The following CTTNBP2 variants were observed in gnomAD, a reference collection of about 807,000 sequenced individuals.
CTTNBP2 encodes cortactin-binding protein 2.
In CTTNBP2, 108 loss-of-function variants were observed where a neutral mutation model predicts 156.9. That is an observed-to-expected ratio of 0.69 (90% CI 0.59 to 0.81). The LOEUF is 0.81. CTTNBP2 is among the 30% of genes least tolerant of loss of function. CTTNBP2 has a pLI of 0.00. For missense variants in CTTNBP2, 1,924 were observed against 2,035.4 expected (o/e 0.95, Z 1.05); for synonymous variants, 767 against 751.8 (o/e 1.02, Z -0.33).
chr7:117,823,283 T>C (rs1487780344), intron 2 of CTTNBP2, among the ~76,000 whole-genome samples: 1 of 152,166 alleles, frequency 6.6e-6, no homozygotes, highest in Non-Finnish European at 1.5e-5. Flanking sequence ...CTTCGAAAAA[T>C]AAGCAATTAT....
intron 12 of CTTNBP2, among the ~76,000 whole-genome samples, chr7:117,755,915 G>C (rs975752528): frequency 6.6e-6 from 1 of 152,144 alleles, no homozygotes; most frequent in Admixed American, 6.5e-5. Context: ...CTGCCCTCCA[G>C]GTTCTCTCTT....
chr7:117,719,708 CT>C, intron 20 of CTTNBP2, 72 bp from the exon 21 acceptor site: 18 of 1,333,210 alleles, frequency 1.4e-5, no homozygotes, highest in East Asian at 2.4e-5. Flanking sequence ...GACACTGTAC[CT>C]TTTTTGGGAT....
At chr7:117,817,352 AAAAAAAAAAAT>A (rs1201455779) in intron 2 of CTTNBP2, among the ~76,000 whole-genome samples, 1,927 of 89,790 alleles carry the variant, frequency 0.021, 336 homozygotes, top group Middle Eastern at 0.037. Context: ...AAAAAAAAAA[AAAAAAAAAAAT>A]ATATATATAT....
In CTTNBP2 at chr7:117,724,679, C is replaced by T; in HGVS notation, c.4315G>A (p.Val1439Ile). The T allele has an allele frequency of 6.2e-7, 1 of 1,614,170 alleles. No individual in the cohort carries two copies. The highest frequency in any genetic ancestry group is 8.5e-7 in the Non-Finnish European group (1 of 1,180,026). The change falls in exon 19 of 23, where the codon GTT (valine) becomes ATT (isoleucine). Residue 1439 changes from valine (V) to isoleucine (I), a missense_variant. Physicochemically the swap from Val to Ile is conservative, Grantham distance 29. Coordinates refer to ENST00000160373, the MANE Select transcript of CTTNBP2 (RefSeq NM_033427.3). ...TTGTTACAAGTGTTATAACTGGAAA[C>T]TATGGATAAAGGGAAACTTCCTCCT... ...FKGGSFPLSI[V>I]SSYNTCNKKK... is the part of the protein sequence containing the mutation.
chr7:117,753,014 T>C (rs1202079727), intron 12 of CTTNBP2, among the ~76,000 whole-genome samples: 1 of 152,210 alleles, frequency 6.6e-6, no homozygotes, highest in Non-Finnish European at 1.5e-5. Context: ...TCTATCCATC[T>C]GACAAAGGTC....
chr7:117,714,031 ACGTC>A (rs1191112388), intron 22 of CTTNBP2: 13 of 152,246 alleles, frequency 8.5e-5, no homozygotes, highest in African/African-American at 3.1e-4. Flanking sequence ...GGTTTTAACT[ACGTC>A]CGAGGAAGCC....
chr7:117,731,809 G>A (rs1174531703), intron 16 of CTTNBP2, among the ~76,000 whole-genome samples: 1 of 152,214 alleles, frequency 6.6e-6, no homozygotes, highest in Non-Finnish European at 1.5e-5. Context: ...CGTGTGCAGT[G>A]TCAGATGGAC....
chr7:117,786,553 A>G (rs1271457762), intron 4 of CTTNBP2: 2 of 339,332 alleles, frequency 5.9e-6, no homozygotes, highest in East Asian at 1.7e-4. Context: ...AACACAGGCA[A>G]TATGAAGGCA....
chr7:117,805,636 T>C (rs2116937843), intron 3 of CTTNBP2, among the ~76,000 whole-genome samples: 1 of 152,338 alleles, frequency 6.6e-6, no homozygotes, highest in East Asian at 1.9e-4. Context: ...TCATATAATT[T>C]TGAAACCTCC....
At chr7:117,719,685 A>G (rs764018285) in intron 20 of CTTNBP2, 49 bp from the exon 21 acceptor site, 18 of 1,548,154 alleles carry the variant, frequency 1.2e-5, no homozygotes, top group African/African-American at 4.1e-5. Context: ...ACAATTCCCA[A>G]TTTGGAAATC....
rs1794555336 is a variant in CTTNBP2 at position 117,718,085 on chromosome 7, T to C, written c.4679A>G (p.Asp1560Gly). ...ADSRDDLRMFDSSGNNPVLSA... is the reference protein window; with the variant it reads ...ADSRDDLRMFGSSGNNPVLSA... ...AAGTACAGGGTTGTTTCCAGAACTA[T>C]CAAACATCCTTAAATCATCCCTGGA... Residue 1560 changes from aspartate (D) to glycine (G), a missense_variant, in exon 22 of 23, where the codon GAT becomes GGT. Physicochemically the swap from Asp to Gly is moderately conservative, Grantham distance 94 (BLOSUM62 -1). Transcript: ENST00000160373. The C allele has an allele frequency of 6.2e-7, 1 of 1,613,202 alleles. No homozygotes were observed. The highest frequency in any genetic ancestry group is 1.3e-5 in the African/African-American group (1 of 75,016).
intron 14 of CTTNBP2, among the ~76,000 whole-genome samples, chr7:117,744,255 T>G (rs955236114): frequency 6.6e-6 from 1 of 152,134 alleles, no homozygotes; most frequent in Non-Finnish European, 1.5e-5. Context: ...ATAGTCACTA[T>G]CAAACAGTAG....
At chr7:117,755,852 T>C (rs1312911942) in intron 12 of CTTNBP2, among the ~76,000 whole-genome samples, 5 of 152,194 alleles carry the variant, frequency 3.3e-5, no homozygotes, top group African/African-American at 9.7e-5. Flanking sequence ...TTAAGTTCTG[T>C]TGAATGGGAT....
At chr7:117,782,633 A>G (rs1382625952) in intron 6 of CTTNBP2, among the ~76,000 whole-genome samples, 1 of 152,220 alleles carries the variant, frequency 6.6e-6, no homozygotes, top group African/African-American at 2.4e-5. Context: ...ATTCACGTTC[A>G]GTTGGGACAC....
chr7:117,777,834 G>A, intron 7 of CTTNBP2, 69 bp from the exon 8 acceptor site: 1 of 1,454,304 alleles, frequency 6.9e-7, no homozygotes, highest in Non-Finnish European at 9.4e-7. Flanking sequence ...ATTATTGAAA[G>A]TTCACTTCTA....
intron 14 of CTTNBP2, among the ~76,000 whole-genome samples, chr7:117,739,024 T>C (rs979922273): frequency 2.0e-5 from 3 of 152,172 alleles, no homozygotes; most frequent in African/African-American, 7.2e-5. Context: ...GAAGTAGCAA[T>C]CAAGGGTCAA....
chr7:117,817,684 AAGCTT>A (rs1800700528), intron 2 of CTTNBP2, among the ~76,000 whole-genome samples: 1 of 151,982 alleles, frequency 6.6e-6, no homozygotes, highest in Non-Finnish European at 1.5e-5. Flanking sequence ...ACATACTGAC[AAGCTT>A]ATAAGCTTTT....
intron 8 of CTTNBP2, among the ~76,000 whole-genome samples, chr7:117,773,761 G>A (rs1354558166): frequency 6.6e-6 from 1 of 151,734 alleles, no homozygotes; most frequent in Admixed American, 6.6e-5. Context: ...AGCAAAGTTG[G>A]AGAGGAAGTG....
At chr7:117,803,410 GA>G (rs1295301781) in intron 3 of CTTNBP2, among the ~76,000 whole-genome samples, 1 of 152,112 alleles carries the variant, frequency 6.6e-6, no homozygotes, top group Non-Finnish European at 1.5e-5. Flanking sequence ...GGAAAGGACT[GA>G]AAAACTACCT....
Sources: allele counts gnomAD v4.1 joint callset (sites outside exome capture counted in the v4.1 genomes callset), GRCh38; gene constraint gnomAD v4.1.1; transcripts MANE v1.5; gene names NCBI Gene and HGNC (gene_info 2026-07-23, HGNC 2026-07-21).